Variants in NAV2 observed in about 807,000 individuals in gnomAD.
NAV2 encodes helicase, APC down-regulated 1.
In NAV2, 54 loss-of-function variants were observed where a neutral mutation model predicts 223.2. The observed-to-expected ratio is 0.24, with a 90% confidence interval of 0.19 to 0.30. The LOEUF is 0.30. Among genes scored for constraint, NAV2 ranks in the 10% least tolerant of loss-of-function variants. NAV2 has a pLI of 1.00. For synonymous variants in NAV2, 1,279 were observed against 1,239.3 expected (o/e 1.03, Z -0.67); for missense variants, 2,806 against 3,147.5 (o/e 0.89, Z 2.60).
At chr11:19,767,682 C>T (rs2055341329) in intron 1 of NAV2, among the ~76,000 whole-genome samples, 1 of 152,232 alleles carries the variant, frequency 6.6e-6, no homozygotes, top group South Asian at 2.1e-4. Flanking sequence ...TCTTGAGAGA[C>T]AGGCATCATT....
At chr11:19,579,377 G>A (rs1452184157) in intron 1 of NAV2, among the ~76,000 whole-genome samples, 2 of 152,190 alleles carry the variant, frequency 1.3e-5, no homozygotes, top group African/African-American at 4.8e-5. Flanking sequence ...CACTGCTAGT[G>A]ACAAGCCCTT....
At chr11:19,736,095 A>C (rs2052268047) in intron 1 of NAV2, among the ~76,000 whole-genome samples, 1 of 152,222 alleles carries the variant, frequency 6.6e-6, no homozygotes, top group Non-Finnish European at 1.5e-5. Context: ...GGGTTGTGAC[A>C]GTTCAAAACA....
intron 1 of NAV2, among the ~76,000 whole-genome samples, chr11:19,450,720 A>G (rs1851761647): frequency 6.6e-6 from 1 of 152,214 alleles, no homozygotes; most frequent in Admixed American, 6.5e-5. Context: ...CGTCATTCAC[A>G]ACTAAATCAA....
At chr11:19,434,757 G>A (rs2702702) in intron 1 of NAV2, among the ~76,000 whole-genome samples, 73,057 of 151,684 alleles carry the variant, frequency 0.48, 17,833 homozygotes, top group Non-Finnish European at 0.5. Flanking sequence ...AAAGATGTTC[G>A]TTAACATTAT....
chr11:19,793,914 A>T (rs1329273025), intron 1 of NAV2, among the ~76,000 whole-genome samples: 1 of 151,950 alleles, frequency 6.6e-6, no homozygotes, highest in African/African-American at 2.4e-5. Flanking sequence ...TTCTCATTTT[A>T]TCCTCGGAGA....
chr11:19,470,959 C>T (rs894163216), intron 1 of NAV2, among the ~76,000 whole-genome samples: 2 of 152,128 alleles, frequency 1.3e-5, no homozygotes, highest in African/African-American at 2.4e-5. Flanking sequence ...GTCAGCCTCC[C>T]AAGCCACAGA....
intron 1 of NAV2, among the ~76,000 whole-genome samples, chr11:19,654,940 C>G (rs533961966): frequency 1.1e-4 from 17 of 152,308 alleles, no homozygotes; most frequent in Admixed American, 4.6e-4. Flanking sequence ...AAACTGCCAT[C>G]AGAGTGAACA....
chr11:20,038,625 C>T (rs944044012), intron 12 of NAV2, among the ~76,000 whole-genome samples: 5 of 152,158 alleles, frequency 3.3e-5, no homozygotes, highest in African/African-American at 9.7e-5. Context: ...GGAAGATGTG[C>T]GTTGTACCCT....
intron 1 of NAV2, among the ~76,000 whole-genome samples, chr11:19,682,001 G>A (rs1430626875): frequency 1.3e-5 from 2 of 152,152 alleles, no homozygotes; most frequent in Admixed American, 6.5e-5. Context: ...ATCTGATCAA[G>A]CAGCTGAGAG....
At chr11:20,019,230 A>G (rs1023985956) in intron 11 of NAV2, among the ~76,000 whole-genome samples, 1 of 152,174 alleles carries the variant, frequency 6.6e-6, no homozygotes, top group Non-Finnish European at 1.5e-5. Context: ...TCTTGGTCCA[A>G]GGTTATCTTA....
In NAV2 at chr11:19,452,109, TGTGTGTGTGTG is replaced by T. The variant is rs1357395356; in HGVS notation, c.75+101083_75+101093del. On this transcript the variant is annotated intron_variant, in intron 1 of 37. Transcript: ENST00000360655. ...GGTCAGTTCTATTAGGTTACAAAAG[TGTGTGTGTGTG>T]TGTGTGTGTGTGTGTGTGTGTGTGT... Among the ~76,000 whole-genome samples the T allele has an allele frequency of 5.4e-3, 4 of 736 alleles. No homozygotes were observed. The South Asian group carries it at 0.087, about 16-fold the overall frequency. 0.5% of individuals were successfully genotyped at this position (736 alleles called of 152,430 possible).
chr11:19,883,219 A>T (rs2063330868), intron 5 of NAV2, among the ~76,000 whole-genome samples: 1 of 152,242 alleles, frequency 6.6e-6, no homozygotes, highest in Non-Finnish European at 1.5e-5. Flanking sequence ...CTTGGACAAC[A>T]TTCCATGAAG....
chr11:19,632,686 A>T (rs1297611839), intron 1 of NAV2, among the ~76,000 whole-genome samples: 3 of 152,196 alleles, frequency 2.0e-5, no homozygotes, highest in African/African-American at 7.2e-5. Context: ...TCTCATCGGA[A>T]TATGCCTTCG....
At position 19,892,632 on chromosome 11, in the gene NAV2, C is replaced by T. The variant is rs568890183; in HGVS notation, c.931+38C>T. On this transcript the variant is annotated intron_variant, in intron 6 of 37. Transcript: ENST00000349880. ...CTTGAGGAGCCTTTTTGGTATTTTCCTTCAGAGCACATCTACCTAGTTCCT... is the reference window on the plus strand; with the variant it reads ...CTTGAGGAGCCTTTTTGGTATTTTCTTTCAGAGCACATCTACCTAGTTCCT... The T allele has an allele frequency of 1.9e-6, 3 of 1,604,714 alleles. No homozygotes were observed. The South Asian group carries it at 3.4e-5, about 18-fold the overall frequency.
At chr11:19,503,942 T>C (rs571320790) in intron 1 of NAV2, 1 of 152,214 alleles carries the variant, frequency 6.6e-6, no homozygotes, top group Non-Finnish European at 1.5e-5. Context: ...TTATCCAAAA[T>C]ATACAAATAA....
chr11:19,977,125 G>T (rs1468373387), intron 10 of NAV2, among the ~76,000 whole-genome samples: 1 of 152,200 alleles, frequency 6.6e-6, no homozygotes, highest in African/African-American at 2.4e-5. Context: ...ACTGGCCTCT[G>T]TCAGCGGTTG....
chr11:19,394,197 G>T (rs771602687), intron 1 of NAV2, among the ~76,000 whole-genome samples: 1 of 152,098 alleles, frequency 6.6e-6, no homozygotes, highest in African/African-American at 2.4e-5. Context: ...GATGCTTTTG[G>T]CCCAATGGTG....
chr11:19,425,713 A>C (rs1850800608), intron 1 of NAV2, among the ~76,000 whole-genome samples: 1 of 152,226 alleles, frequency 6.6e-6, no homozygotes, highest in African/African-American at 2.4e-5. Flanking sequence ...GATTATCCAG[A>C]AAACCATTAT....
At chr11:19,936,167 C>G (rs1027585096) in intron 7 of NAV2, among the ~76,000 whole-genome samples, 2 of 151,916 alleles carry the variant, frequency 1.3e-5, no homozygotes, top group Non-Finnish European at 2.9e-5. Flanking sequence ...CCGCGCCCAG[C>G]CATGAACTGT....
Sources: allele counts gnomAD v4.1 joint callset (sites outside exome capture counted in the v4.1 genomes callset), GRCh38; gene constraint gnomAD v4.1.1; transcripts MANE v1.5; gene names NCBI Gene and HGNC (gene_info 2026-07-23, HGNC 2026-07-21).